ZBTB25: variants seen among roughly 807,000 people sequenced by gnomAD.
ZBTB25 encodes zinc finger and BTB domain-containing protein 25.
A neutral mutation model predicts 34.2 loss-of-function variants in ZBTB25; 20 were observed. The ratio of observed to expected loss-of-function variants is 0.58; its 90% CI spans 0.41 to 0.85. The LOEUF (loss-of-function observed/expected upper bound fraction) is 0.85. ZBTB25 is among the 40% of genes least tolerant of loss of function. ZBTB25 has a pLI of 0.00. For missense variants in ZBTB25, 437 were observed against 521.8 expected, an observed-to-expected ratio of 0.84 and a Z score of 1.58; for synonymous variants, 175 against 186.4, an observed-to-expected ratio of 0.94 and a Z score of 0.50.
At chr14:64,469,308 A>C in intron 2 of ZBTB25, 3 of 1,613,344 alleles carry the variant, frequency 1.9e-6, no homozygotes, top group South Asian at 2.2e-5. Flanking sequence ...GAAGAAACTA[A>C]GCCAAAAGAT....
rs750072226 is a variant in ZBTB25 at position 64,449,659 on chromosome 14, C to T, written c.174-21G>A. 4.1e-5 allele frequency: 66 copies of T among 1,608,018 alleles called. 1 individual carries two copies. In the South Asian group the frequency reaches 4.5e-4, roughly 11 times the overall value. On this transcript the variant is annotated intron_variant, in intron 2 of 2. Coordinates refer to the ZBTB25 transcript ENST00000555220. ...GCTGTCTGCAAAAAAAGAAAAAAGA[C>T]GAAAAGGGCACAGTGAAGTTTCTGT...
downstream of ZBTB25, chr14:64,473,193 A>C (rs1258058241): frequency 6.0e-6 from 1 of 167,212 alleles, no homozygotes; most frequent in East Asian, 1.9e-4. Flanking sequence ...ATATAAAAAT[A>C]GTACCCGGTA....
chr14:64,480,583 G>T lies in ZBTB25; in HGVS notation c.*6340C>A, dbSNP rs1439547730. 5.4e-6 allele frequency: 1 copy of T among 184,592 alleles called. No individual in the cohort carries two copies. The highest frequency in any genetic ancestry group is 2.4e-5 in the African/African-American group (1 of 41,708). 11.4% of individuals were successfully genotyped at this position (184,592 alleles called of 1,614,324 possible). On this transcript the variant is annotated 3_prime_UTR_variant, in exon 3 of 3. Coordinates refer to ENST00000608382, the MANE Select transcript of ZBTB25 (RefSeq NM_006977.5). ...TTTGGCAAACACTGATGTAAAATAA[G>T]AACACATTCTATAAGCTAAGCTAAT...
At chr14:64,454,782 A>G (rs776914091) in intron 2 of ZBTB25, 1 of 1,614,096 alleles carries the variant, frequency 6.2e-7, no homozygotes, top group East Asian at 2.2e-5. Flanking sequence ...CTCACAACCC[A>G]GAGCAAAAAG....
At chr14:64,454,900 G>A in intron 2 of ZBTB25, 1 of 1,613,190 alleles carries the variant, frequency 6.2e-7, no homozygotes, top group Non-Finnish European at 8.5e-7. Context: ...CAAGGGAGTA[G>A]TGGGCGCATC....
chr14:64,486,457 A>G lies in ZBTB25; in HGVS notation c.*466T>C. 1 of 970,628 alleles carries G rather than the reference A, an allele frequency of 1.0e-6. No individual in the cohort carries two copies. Among genetic ancestry groups the G allele is most frequent in the Non-Finnish European group, 1.2e-6 (1 of 816,182 alleles). The allele number at this position is 970,628 out of a possible 1,614,324, so 60.1% of individuals were successfully genotyped here. On this transcript the variant is annotated 3_prime_UTR_variant, in exon 3 of 3. Transcript: ENST00000608382. ...TATAACATATGTATAACATACAGTT[A>G]TGCATTAAAGTAACTATTAATTTCC...
chr14:64,498,035 C>T (rs2079338085), intron 1 of ZBTB25, among the ~76,000 whole-genome samples: 1 of 152,122 alleles, frequency 6.6e-6, no homozygotes, highest in Non-Finnish European at 1.5e-5. Flanking sequence ...GCTATAAATA[C>T]AAAGGCAAAA....
At chr14:64,489,179 C>T (rs756278402) in intron 2 of ZBTB25, among the ~76,000 whole-genome samples, 17 of 152,046 alleles carry the variant, frequency 1.1e-4, no homozygotes, top group Middle Eastern at 3.4e-3. Flanking sequence ...ACCTGGGAGG[C>T]GGAGGTTGCA....
chr14:64,471,326 G>C (rs1002565477), intron 2 of ZBTB25: 7 of 161,930 alleles, frequency 4.3e-5, no homozygotes, highest in African/African-American at 1.2e-4. Context: ...CTAATTTTTT[G>C]TATTTTTAGT....
At chr14:64,504,274 G>A (rs1366391099), upstream of ZBTB25, among the ~76,000 whole-genome samples, 1 of 151,930 alleles carries the variant, frequency 6.6e-6, no homozygotes, top group East Asian at 2.0e-4. Context: ...GGGGGCGCGG[G>A]GACTGGGCGA....
At chr14:64,464,712 G>T (rs1196409700) in intron 2 of ZBTB25, among the ~76,000 whole-genome samples, 6 of 152,180 alleles carry the variant, frequency 3.9e-5, no homozygotes, top group African/African-American at 1.2e-4. Flanking sequence ...TACAGCTGGA[G>T]CTCCCAGGAA....
chr14:64,453,977 G>A, intron 2 of ZBTB25: 1 of 717,048 alleles, frequency 1.4e-6, no homozygotes, highest in East Asian at 2.7e-5. Flanking sequence ...CTGGGTGGCA[G>A]CCTTCTCTCC....
At chr14:64,464,047 T>C (rs2078585249) in intron 2 of ZBTB25, among the ~76,000 whole-genome samples, 1 of 152,094 alleles carries the variant, frequency 6.6e-6, no homozygotes. Context: ...TTTTTTTTTT[T>C]TTTTGAGGCA....
chr14:64,468,288 T>C, intron 2 of ZBTB25: 1 of 1,081,466 alleles, frequency 9.2e-7, no homozygotes. Flanking sequence ...TGAATATGCC[T>C]GGAAGAAATT....
In ZBTB25 at chr14:64,487,730, C is replaced by G. The variant is rs368730149; in HGVS notation, c.501G>C (p.Gln167His). Residue 167 changes from glutamine to histidine, a missense_variant, in exon 3 of 3, where the codon CAG (glutamine) becomes CAC (histidine). Gln to His is a conservative substitution (Grantham distance 24). Transcript: ENST00000608382. ...NRAAVQGDHPQLQLSLAIGLD... is the reference protein window; with the variant it reads ...NRAAVQGDHPHLQLSLAIGLD... ...GACCAATAGCAAGAGACAACTGCAA[C>G]TGGGGGTGGTCACCCTGGACAGCAG... The G allele has an allele frequency of 6.2e-7, 1 of 1,613,892 alleles. No individual in the cohort carries two copies. The highest frequency in any genetic ancestry group is 1.3e-5 in the African/African-American group (1 of 74,904).
chr14:64,449,542 A>C, exon 3 of ZBTB25: 1 of 1,614,196 alleles, frequency 6.2e-7, no homozygotes, highest in Non-Finnish European at 8.5e-7. Flanking sequence ...AGAAGGGGGC[A>C]AGGGTGCCTT....
In ZBTB25 at chr14:64,486,720, C is replaced by T; in HGVS notation, c.*203G>A. ...TGTTATTTCGTTTGTGAAAAGTTCA[C>T]AGTAGTAATTGAATGTTACATTTTA... On this transcript the variant is annotated 3_prime_UTR_variant, in exon 3 of 3. Coordinates refer to ENST00000608382, the MANE Select transcript of ZBTB25 (RefSeq NM_006977.5). 1 of 1,225,424 alleles carries T rather than the reference C, an allele frequency of 8.2e-7. No homozygotes were observed. Among genetic ancestry groups the T allele is most frequent in the Non-Finnish European group, 1.0e-6 (1 of 977,200 alleles). The allele number at this position is 1,225,424 out of a possible 1,614,324, so 75.9% of individuals were successfully genotyped here.
chr14:64,490,414 T>G lies in ZBTB25; in HGVS notation c.120A>C (p.Ala40=). 6.2e-7 allele frequency: 1 copy of G among 1,612,324 alleles called. No homozygotes were observed. Among genetic ancestry groups the G allele is most frequent in the Non-Finnish European group, 8.5e-7 (1 of 1,178,870 alleles). Residue 40 remains alanine, a synonymous_variant, in exon 2 of 3, where the codon GCA becomes GCC. Coordinates refer to ENST00000608382, the MANE Select transcript of ZBTB25 (RefSeq NM_006977.5). ...AATAGTTAGAAAAAGCAGCAAGCACTGCTCTGTGGGCTTTGAAGTAAACAT... is the reference window on the plus strand; with the variant it reads ...AATAGTTAGAAAAAGCAGCAAGCACGGCTCTGTGGGCTTTGAAGTAAACAT... ...IGDVYFKAHR[A]VLAAFSNYFK...
intron 2 of ZBTB25, among the ~76,000 whole-genome samples, chr14:64,490,100 C>T (rs940324425): frequency 2.0e-5 from 3 of 146,548 alleles, no homozygotes; most frequent in African/African-American, 5.1e-5. Flanking sequence ...CCCAGGTACT[C>T]GGGAGGCTGA....
Sources: allele counts gnomAD v4.1 joint callset (sites outside exome capture counted in the v4.1 genomes callset), GRCh38; gene constraint gnomAD v4.1.1; transcripts MANE v1.5; gene names NCBI Gene and HGNC (gene_info 2026-07-23, HGNC 2026-07-21).